NRXN3: variants seen among roughly 807,000 people sequenced by gnomAD.
NRXN3 encodes the protein neurexin 3.
Under a neutral mutation model 137.6 loss-of-function variants are expected in NRXN3, and 32 were observed. That is an observed-to-expected ratio of 0.23 (90% CI 0.18 to 0.31). The LOEUF (loss-of-function observed/expected upper bound fraction) is 0.31. Among genes scored for constraint, NRXN3 ranks in the 10% least tolerant of loss-of-function variants. The probability of loss-of-function intolerance (pLI) is 1.00; values close to 1 mark genes in which losing one functional copy is unlikely to be tolerated. For synonymous variants in NRXN3, 798 were observed against 784.5 expected, an observed-to-expected ratio of 1.02 and a Z score of -0.29; for missense variants, 1,574 against 2,062.5, an observed-to-expected ratio of 0.76 and a Z score of 4.59.
chr14:78,793,644 G>A (rs2098812275), intron 8 of NRXN3, among the ~76,000 whole-genome samples: 1 of 152,140 alleles, frequency 6.6e-6, no homozygotes. Flanking sequence ...TGTCAACCAG[G>A]GAAGCAACCC....
chr14:78,688,256 G>T (rs1294372473), intron 6 of NRXN3, among the ~76,000 whole-genome samples: 1 of 152,068 alleles, frequency 6.6e-6, no homozygotes, highest in Non-Finnish European at 1.5e-5. Flanking sequence ...TCCAAAGACA[G>T]AACATGAGGG....
intron 16 of NRXN3, among the ~76,000 whole-genome samples, chr14:79,597,977 GTTC>G (rs2097878290): frequency 6.6e-6 from 1 of 152,158 alleles, no homozygotes; most frequent in Non-Finnish European, 1.5e-5. Flanking sequence ...CCGTTGGAAG[GTTC>G]TTTATCCAAC....
At chr14:79,324,509 G>A (rs1017383134) in intron 15 of NRXN3, among the ~76,000 whole-genome samples, 4 of 152,172 alleles carry the variant, frequency 2.6e-5, no homozygotes, top group Admixed American at 2.6e-4. Context: ...AGAGAGGCTT[G>A]TGACTTGTAT....
At chr14:79,599,373 A>C (rs1463128319) in intron 16 of NRXN3, among the ~76,000 whole-genome samples, 1 of 152,144 alleles carries the variant, frequency 6.6e-6, no homozygotes, top group Non-Finnish European at 1.5e-5. Flanking sequence ...TCTTGTAAGG[A>C]AAAAAATTAA....
chr14:79,732,874 C>G lies in NRXN3; in HGVS notation c.4014+34937C>G, dbSNP rs181969948. On this transcript the variant is annotated intron_variant, in intron 19 of 20. Coordinates refer to ENST00000335750, the MANE Select transcript of NRXN3 (RefSeq NM_001330195.2). ...CATATACTCTTAAACACTATTTATA[C>G]AGTATTAATGTGATTTGACAAAAGT... Among the ~76,000 whole-genome samples, 274 of 152,104 alleles carry G rather than the reference C, an allele frequency of 1.8e-3. 2 individuals carry two copies. The highest frequency in any genetic ancestry group is 6.5e-3 in the African/African-American group (268 of 41,498).
intron 4 of NRXN3, among the ~76,000 whole-genome samples, chr14:78,437,707 C>T (rs2094119507): frequency 6.6e-6 from 1 of 152,184 alleles, no homozygotes; most frequent in Non-Finnish European, 1.5e-5. Context: ...TACTAAAATG[C>T]TTCAGAGTGC....
chr14:79,697,693 G>A lies in NRXN3; in HGVS notation c.3770G>A (p.Arg1257His), dbSNP rs1216934692. The change falls in exon 19 of 21, where the codon CGC becomes CAC. Residue 1257 changes from arginine to histidine, a missense_variant. Physicochemically the swap from Arg to His is conservative, Grantham distance 29 (BLOSUM62 0). Around this residue, in one of 5 missense-constraint regions of NRXN3, gnomAD observed 133 missense variants for 241.8 expected, o/e 0.55. Coordinates refer to ENST00000335750, the MANE Select transcript of NRXN3 (RefSeq NM_001330195.2). Reference protein sequence around the residue: ...QIAIGGKDKGRLFQGQLSGLY... With the variant: ...QIAIGGKDKGHLFQGQLSGLY... ...GCCATTGGTGGAAAGGACAAAGGACGCCTCTTCCAAGGCCAACTCTCTGGG... is the reference window on the plus strand; with the variant it reads ...GCCATTGGTGGAAAGGACAAAGGACACCTCTTCCAAGGCCAACTCTCTGGG... 6 of 1,612,874 alleles carry A rather than the reference G, an allele frequency of 3.7e-6. No individual in the cohort carries two copies. Among genetic ancestry groups the A allele is most frequent in the Admixed American group, 3.3e-5 (2 of 59,878 alleles).
At chr14:79,437,121 C>G (rs2095857379) in intron 15 of NRXN3, among the ~76,000 whole-genome samples, 1 of 152,100 alleles carries the variant, frequency 6.6e-6, no homozygotes, top group Non-Finnish European at 1.5e-5. Flanking sequence ...TCTCTTGGCT[C>G]TCCCACCTGC....
chr14:78,238,755 C>G (rs1460299013), intron 1 of NRXN3, among the ~76,000 whole-genome samples: 1 of 152,160 alleles, frequency 6.6e-6, no homozygotes, highest in East Asian at 1.9e-4. Context: ...CTCAGTCAGC[C>G]TTTTTGATCC....
chr14:79,481,085 G>A (rs892650497), intron 16 of NRXN3, among the ~76,000 whole-genome samples: 1 of 152,052 alleles, frequency 6.6e-6, no homozygotes, highest in Non-Finnish European at 1.5e-5. Context: ...AAGTGCTTGG[G>A]ATCCAAGAGT....
intron 15 of NRXN3, among the ~76,000 whole-genome samples, chr14:79,338,360 C>T (rs2092406068): frequency 6.6e-6 from 1 of 151,974 alleles, no homozygotes; most frequent in South Asian, 2.1e-4. Flanking sequence ...GTAGTTACGG[C>T]AGCCTTCAGG....
intron 1 of NRXN3, among the ~76,000 whole-genome samples, chr14:78,224,750 CTTTTTTTTTT>C (rs35800837): frequency 0.018 from 1,157 of 64,880 alleles, 29 homozygotes; most frequent in African/African-American, 0.063. Context: ...GTGCATGTGT[CTTTTTTTTTT>C]TTTTTTTTTT....
chr14:78,840,368 G>A (rs2099008843), intron 10 of NRXN3, among the ~76,000 whole-genome samples: 1 of 152,150 alleles, frequency 6.6e-6, no homozygotes, highest in Non-Finnish European at 1.5e-5. Context: ...AGGACATAAA[G>A]GTAACAAGAA....
rs143418148 is a variant in NRXN3 at position 79,718,749 on chromosome 14, C to A, written c.4014+20812C>A. 3.9e-4 allele frequency among the ~76,000 whole-genome samples: 60 copies of A among 152,236 alleles called. No individual in the cohort carries two copies. The East Asian group carries it at 0.011, about 28-fold the overall frequency. ...TCCAAATCTTATGCTTAAGTCCAGG[C>A]AGTTTTTAATTTTTTTTTATTTTTT... On this transcript the variant is annotated intron_variant, in intron 19 of 20. Transcript: ENST00000335750.
intron 15 of NRXN3, among the ~76,000 whole-genome samples, chr14:79,352,028 T>C (rs927959516): frequency 6.6e-6 from 1 of 152,200 alleles, no homozygotes; most frequent in Non-Finnish European, 1.5e-5. Flanking sequence ...AGTGTCAAAA[T>C]GGTAGAACAA....
At chr14:78,767,515 A>G (rs1020201306) in intron 8 of NRXN3, among the ~76,000 whole-genome samples, 3 of 152,172 alleles carry the variant, frequency 2.0e-5, no homozygotes, top group Admixed American at 6.5e-5. Flanking sequence ...CCACACTGTC[A>G]ACGTGCAATA....
chr14:78,221,131 T>TGGAA (rs1334603969), intron 1 of NRXN3, among the ~76,000 whole-genome samples: 1 of 151,782 alleles, frequency 6.6e-6, no homozygotes, highest in Non-Finnish European at 1.5e-5. Flanking sequence ...GGTGGGGTGG[T>TGGAA]GGAAGTTCAG....
intron 19 of NRXN3, among the ~76,000 whole-genome samples, chr14:79,709,962 G>A (rs991065348): frequency 6.6e-6 from 1 of 152,088 alleles, no homozygotes; most frequent in Non-Finnish European, 1.5e-5. Flanking sequence ...TTGAAAGCAG[G>A]TTTTATGAGG....
intron 20 of NRXN3, among the ~76,000 whole-genome samples, chr14:79,810,813 A>G (rs1039823833): frequency 6.6e-6 from 1 of 152,220 alleles, no homozygotes; most frequent in Non-Finnish European, 1.5e-5. Flanking sequence ...ATGGTAGAAA[A>G]TGCAGCTGAA....
Sources: allele counts gnomAD v4.1 joint callset (sites outside exome capture counted in the v4.1 genomes callset), GRCh38; gene constraint gnomAD v4.1.1; regional missense constraint gnomAD v4.1.1; transcripts MANE v1.5; gene names NCBI Gene and HGNC (gene_info 2026-07-23, HGNC 2026-07-21).